Variants in LIMCH1 observed in about 807,000 individuals in gnomAD.
The protein encoded by LIMCH1 is LIM and calponin homology domains-containing protein 1.
LIMCH1 carries 113 observed loss-of-function variants against 176.5 expected under a neutral mutation model. That is an observed-to-expected ratio of 0.64 (90% CI 0.55 to 0.75). The LOEUF (loss-of-function observed/expected upper bound fraction) is 0.75, where lower values mean the gene tolerates loss of function less well. Ranked by LOEUF, LIMCH1 falls within the 30% of genes least tolerant of loss-of-function variation. The pLI is 0.00. For synonymous variants in LIMCH1, 619 were observed against 645.9 expected (o/e 0.96, Z 0.63); for missense variants, 1,674 against 1,814.9 (o/e 0.92, Z 1.41).
chr4:41,612,902 A>G (rs2091614628), intron 4 of LIMCH1: 1 of 1,421,318 alleles, frequency 7.0e-7, no homozygotes, highest in South Asian at 1.6e-5. Context: ...GCTCCCTTTC[A>G]GAGCAGGAAT....
At chr4:41,686,226 A>T (rs1286584235) in intron 28 of LIMCH1, among the ~76,000 whole-genome samples, 1 of 152,126 alleles carries the variant, frequency 6.6e-6, no homozygotes, top group Non-Finnish European at 1.5e-5. Flanking sequence ...CTGAGCTGTA[A>T]TTTAATTTTG....
chr4:41,361,732 G>A (rs897611525), intron 1 of LIMCH1, among the ~76,000 whole-genome samples: 16 of 152,336 alleles, frequency 1.1e-4, no homozygotes, highest in African/African-American at 3.6e-4. Context: ...CCTGATTCAC[G>A]ATGTCTATCA....
intron 1 of LIMCH1, among the ~76,000 whole-genome samples, chr4:41,430,483 C>T (rs1201964511): frequency 1.3e-5 from 2 of 152,176 alleles, no homozygotes; most frequent in Admixed American, 1.3e-4. Context: ...AGGATGGTCT[C>T]GATCTCCTGA....
At chr4:41,364,486 A>G (rs2052667015) in intron 1 of LIMCH1, among the ~76,000 whole-genome samples, 1 of 152,140 alleles carries the variant, frequency 6.6e-6, no homozygotes, top group African/African-American at 2.4e-5. Context: ...ATTTCATCCT[A>G]TTATCTCACT....
At chr4:41,592,136 C>T (rs920866479) in intron 1 of LIMCH1, among the ~76,000 whole-genome samples, 1 of 152,222 alleles carries the variant, frequency 6.6e-6, no homozygotes, top group African/African-American at 2.4e-5. Flanking sequence ...TGCTGGGATC[C>T]TTGATCCAAC....
At chr4:41,581,474 A>G (rs1021553005) in intron 1 of LIMCH1, among the ~76,000 whole-genome samples, 2 of 152,056 alleles carry the variant, frequency 1.3e-5, no homozygotes, top group African/African-American at 2.4e-5. Flanking sequence ...GGCAACCCCA[A>G]TTCTACTCTC....
intron 28 of LIMCH1, among the ~76,000 whole-genome samples, chr4:41,687,239 A>G (rs780952366): frequency 4.6e-5 from 7 of 152,126 alleles, no homozygotes; most frequent in Non-Finnish European, 8.8e-5. Flanking sequence ...CTCACGTACA[A>G]CCGTTCTAGT....
intron 1 of LIMCH1, among the ~76,000 whole-genome samples, chr4:41,419,918 C>G (rs2060466441): frequency 6.6e-6 from 1 of 151,982 alleles, no homozygotes; most frequent in Non-Finnish European, 1.5e-5. Flanking sequence ...GAAAAGTTTC[C>G]TTGCCCTCAA....
At chr4:41,521,043 T>C (rs138994879) in intron 2 of LIMCH1, among the ~76,000 whole-genome samples, 628 of 152,304 alleles carry the variant, frequency 4.1e-3, no homozygotes, top group African/African-American at 8.6e-3. Flanking sequence ...CTATGTGTCT[T>C]ATACTTCACC....
chr4:41,585,758 T>C (rs1051801137), intron 1 of LIMCH1, among the ~76,000 whole-genome samples: 1 of 152,226 alleles, frequency 6.6e-6, no homozygotes, highest in African/African-American at 2.4e-5. Context: ...TATCTCATTG[T>C]GTTTGATTTG....
intron 14 of LIMCH1, among the ~76,000 whole-genome samples, chr4:41,641,768 C>T (rs970968506): frequency 2.6e-5 from 4 of 152,202 alleles, no homozygotes; most frequent in Non-Finnish European, 5.9e-5. Context: ...CTTGTGGGGT[C>T]ATGTCAGCAT....
intron 1 of LIMCH1, among the ~76,000 whole-genome samples, chr4:41,390,769 C>T (rs1318539672): frequency 6.6e-6 from 1 of 152,076 alleles, no homozygotes; most frequent in African/African-American, 2.4e-5. Flanking sequence ...AAAATTAGGG[C>T]AAATATTACC....
At chr4:41,629,828 G>A (rs77066886) in intron 9 of LIMCH1, 94 bp downstream of exon 9, 27 of 1,192,188 alleles carry the variant, frequency 2.3e-5, no homozygotes, top group Non-Finnish European at 2.8e-5. Flanking sequence ...TTTTTTTTTT[G>A]TCAGGGTCTT....
upstream of LIMCH1, among the ~76,000 whole-genome samples, chr4:41,536,652 G>A (rs1326388366): frequency 6.6e-6 from 1 of 152,046 alleles, no homozygotes; most frequent in Non-Finnish European, 1.5e-5. Flanking sequence ...TATATCCCCA[G>A]CCATGGAAAG....
At chr4:41,615,854 T>C (rs1031832999) in intron 5 of LIMCH1, among the ~76,000 whole-genome samples, 1 of 152,186 alleles carries the variant, frequency 6.6e-6, no homozygotes, top group Non-Finnish European at 1.5e-5. Flanking sequence ...TTTATTATTA[T>C]CCACTCCCAC....
Position 41,697,358 on chromosome 4 carries a change from T to C in LIMCH1, c.*173T>C. 1.7e-6 allele frequency: 1 copy of C among 594,470 alleles called. No individual in the cohort carries two copies. The highest frequency in any genetic ancestry group is 2.8e-5 in the East Asian group (1 of 35,876). The allele number at this position is 594,470 out of a possible 1,614,324, so 36.8% of individuals were successfully genotyped here. On this transcript the variant is annotated 3_prime_UTR_variant, in exon 32 of 32. Transcript: ENST00000503057. ...TAGCACAGTGTTTATGTTTTTCCTG[T>C]TTATTGTTTTGGTTTTTTTTTTTTT...
intron 2 of LIMCH1, 29 bp downstream of exon 2, chr4:41,599,055 G>GAGTTTCCCTT: frequency 7.3e-7 from 1 of 1,362,040 alleles, no homozygotes; most frequent in Non-Finnish European, 1.1e-6. Flanking sequence ...ATGTTTAAGG[G>GAGTTTCCCTT]AAACTCCTTT....
At chr4:41,652,667 A>G (rs376476191) in intron 18 of LIMCH1, among the ~76,000 whole-genome samples, 1 of 152,156 alleles carries the variant, frequency 6.6e-6, no homozygotes. Context: ...CTCTTTTGCC[A>G]TTTTTCATGA....
chr4:41,444,145 C>A (rs1472561266), intron 1 of LIMCH1, among the ~76,000 whole-genome samples: 1 of 152,116 alleles, frequency 6.6e-6, no homozygotes, highest in East Asian at 1.9e-4. Context: ...CTGAATAGTT[C>A]TAAAGATGTA....
Sources: gnomAD v4.1 joint callset for allele counts (sites outside exome capture counted in the v4.1 genomes callset) on GRCh38, gnomAD v4.1.1 for gene constraint, MANE v1.5 for transcripts, NCBI Gene and HGNC (gene_info 2026-07-23, HGNC 2026-07-21) for gene names.